The following CTBP2 variants were observed in gnomAD, a reference collection of about 807,000 sequenced individuals.
CTBP2 encodes C-terminal-binding protein 2.
A neutral mutation model predicts 80.3 loss-of-function variants in CTBP2; 30 were observed. That is an observed-to-expected ratio of 0.37 (90% CI 0.28 to 0.51). CTBP2 has a LOEUF of 0.51. Ranked by LOEUF, CTBP2 falls within the 20% of genes least tolerant of loss-of-function variation. CTBP2 has a pLI of 0.93. For missense variants in CTBP2, 1,212 were observed against 1,375.3 expected (o/e 0.88, Z 1.88); for synonymous variants, 594 against 587.4 (o/e 1.01, Z -0.16).
At chr10:125,118,284 A>G (rs945717640) in intron 1 of CTBP2, among the ~76,000 whole-genome samples, 3 of 152,234 alleles carry the variant, frequency 2.0e-5, no homozygotes, top group Non-Finnish European at 4.4e-5. Flanking sequence ...CCCTTGCGGC[A>G]TTAGCTAGGC....
At chr10:125,029,281 T>C (rs1443656058), upstream of CTBP2, among the ~76,000 whole-genome samples, 1 of 151,656 alleles carries the variant, frequency 6.6e-6, no homozygotes, top group Non-Finnish European at 1.5e-5. Context: ...TTTGCTCGTT[T>C]CTCAGGCTGG....
At chr10:125,033,340 AGAT>A (rs1412749396) in intron 3 of CTBP2, among the ~76,000 whole-genome samples, 2 of 152,226 alleles carry the variant, frequency 1.3e-5, no homozygotes, top group Non-Finnish European at 2.9e-5. Flanking sequence ...GTCACTCTGT[AGAT>A]GGAGATGAGA....
At chr10:125,140,198 G>A (rs1211269384) in intron 1 of CTBP2, among the ~76,000 whole-genome samples, 1 of 152,086 alleles carries the variant, frequency 6.6e-6, no homozygotes, top group Non-Finnish European at 1.5e-5. Context: ...CCACCCAGAA[G>A]AAGCCAAGAA....
At chr10:125,098,750 C>CAGAG (rs1265217140) in intron 2 of CTBP2, among the ~76,000 whole-genome samples, 32,403 of 74,482 alleles carry the variant, frequency 0.44, 8,128 homozygotes, top group Non-Finnish European at 0.51. Flanking sequence ...GAGAGAGAGA[C>CAGAG]AGAGAGAGAG....
intron 2 of CTBP2, among the ~76,000 whole-genome samples, chr10:125,050,745 T>C (rs1224896107): frequency 1.3e-5 from 2 of 152,216 alleles, no homozygotes; most frequent in Non-Finnish European, 2.9e-5. Flanking sequence ...CTCTGACGAG[T>C]ACACCACCCC....
intron 1 of CTBP2, among the ~76,000 whole-genome samples, chr10:125,153,784 C>T (rs539868208): frequency 1.3e-5 from 2 of 152,352 alleles, no homozygotes; most frequent in East Asian, 1.9e-4. Flanking sequence ...TCTAGGTCTT[C>T]GGTTCCTTCC....
intron 2 of CTBP2, among the ~76,000 whole-genome samples, chr10:125,087,536 C>T (rs1412060094): frequency 1.3e-5 from 2 of 152,194 alleles, no homozygotes; most frequent in Non-Finnish European, 2.9e-5. Flanking sequence ...GGTCTGTCTT[C>T]CAAAGAGCCT....
rs372291980 is a variant in CTBP2, at chr10:125,077,106, C to G, written c.-102+33884G>C. On this transcript the variant is annotated intron_variant, in intron 2 of 10. Coordinates refer to the CTBP2 transcript ENST00000337195. ...TCACCACTCTTGCACTCCATGAAAG[C>G]TTTTGTGTGTCCAGAAGCACTCACC... Among the ~76,000 whole-genome samples, 7 of 151,424 alleles carry G rather than the reference C, an allele frequency of 4.6e-5. No individual in the cohort carries two copies. The East Asian group carries it at 7.7e-4, about 17-fold the overall frequency.
chr10:125,027,513 T>C lies in CTBP2; in HGVS notation c.247A>G (p.Lys83Glu), dbSNP rs147041812. 160 of 1,614,096 alleles carry C rather than the reference T, an allele frequency of 9.9e-5. No individual in the cohort carries two copies. The highest frequency in any genetic ancestry group is 5.3e-4 in the Admixed American group (32 of 60,008). Residue 83 changes from lysine to glutamate, a missense_variant, in exon 1 of 9, where the codon AAG (lysine) becomes GAG (glutamate). Coordinates refer to ENST00000309035, the MANE Select transcript of CTBP2 (RefSeq NM_022802.3). ...AAGGTGAAGTCAGGAGTAGACCCCT[T>C]TCTTGCAGCCACTGAGTTATAAACG...
intron 2 of CTBP2, among the ~76,000 whole-genome samples, chr10:125,109,984 T>C (rs1852037983): frequency 1.3e-5 from 2 of 152,358 alleles, no homozygotes; most frequent in East Asian, 1.9e-4. Flanking sequence ...TACAACCCAC[T>C]GTGCTGCTTA....
At chr10:125,009,238 G>T (rs111822136) in intron 1 of CTBP2, among the ~76,000 whole-genome samples, 2 of 152,288 alleles carry the variant, frequency 1.3e-5, no homozygotes, top group African/African-American at 4.8e-5. Flanking sequence ...TATGGCACCG[G>T]GGAACGAGCA....
At chr10:125,157,393 TA>T (rs11355614) in intron 1 of CTBP2, among the ~76,000 whole-genome samples, 47,143 of 112,256 alleles carry the variant, frequency 0.42, 8,794 homozygotes, top group Middle Eastern at 0.52. Flanking sequence ...AGGTGGGGGT[TA>T]AAAAAAAAAA....
At chr10:125,018,063 T>C (rs1032689301) in intron 1 of CTBP2, among the ~76,000 whole-genome samples, 3 of 152,236 alleles carry the variant, frequency 2.0e-5, no homozygotes, top group African/African-American at 7.2e-5. Context: ...GTGTATACCA[T>C]TGTTGATTTT....
At chr10:125,139,652 G>C (rs1221636466) in intron 1 of CTBP2, among the ~76,000 whole-genome samples, 1 of 152,144 alleles carries the variant, frequency 6.6e-6, no homozygotes, top group African/African-American at 2.4e-5. Flanking sequence ...CACCGCTGGA[G>C]GGGCTCTCAA....
rs1952057830 is a variant in CTBP2, at chr10:124,986,848, A to G, written c.*2670T>C. 6.6e-6 allele frequency: 1 copy of G among 152,210 alleles called. No homozygotes were observed. Among genetic ancestry groups the G allele is most frequent in the Non-Finnish European group, 1.5e-5 (1 of 68,046 alleles). The allele number at this position is 152,210 out of a possible 1,614,324, so 9.4% of individuals were successfully genotyped here. ...AAAGCCAAAGAGAATTGTTAGAGGG[A>G]AAAGCATGTAGCCATTGCAGTCTGC... On this transcript the variant is annotated 3_prime_UTR_variant, in exon 9 of 9. Coordinates refer to ENST00000309035, the MANE Select transcript of CTBP2 (RefSeq NM_022802.3).
intron 1 of CTBP2, among the ~76,000 whole-genome samples, chr10:125,149,006 G>A (rs1448427374): frequency 6.6e-6 from 1 of 152,182 alleles, no homozygotes; most frequent in Admixed American, 6.5e-5. Context: ...GGGGAAAACT[G>A]GCTCGCTGGC....
intron 1 of CTBP2, among the ~76,000 whole-genome samples, chr10:125,147,812 G>A (rs943834726): frequency 6.6e-6 from 1 of 152,048 alleles, no homozygotes; most frequent in African/African-American, 2.4e-5. Context: ...TGGGAAAATT[G>A]CTTGAACCCG....
intron 1 of CTBP2, among the ~76,000 whole-genome samples, chr10:125,144,732 C>T (rs1858438626): frequency 6.6e-6 from 1 of 150,832 alleles, no homozygotes; most frequent in Non-Finnish European, 1.5e-5. Context: ...TCACACGGGC[C>T]AATGTTAAAA....
At position 125,095,371 on chromosome 10, in the gene CTBP2, C is replaced by T. The variant is rs183378956; in HGVS notation, c.-102+15619G>A. Reference sequence around the variant, plus strand: ...GGCAGCCCCAGCTACCACCAGGCTGCTCTGGAGTTACGCAGCCCAGCCACG... The same window carrying T: ...GGCAGCCCCAGCTACCACCAGGCTGTTCTGGAGTTACGCAGCCCAGCCACG... On this transcript the variant is annotated intron_variant, in intron 2 of 10. Transcript: ENST00000337195. Among the ~76,000 whole-genome samples the T allele has an allele frequency of 7.7e-4, 118 of 152,312 alleles. 2 individuals are homozygous for T. The highest frequency in any genetic ancestry group is 2.7e-3 in the African/African-American group (112 of 41,560).
Sources: allele counts gnomAD v4.1 joint callset (sites outside exome capture counted in the v4.1 genomes callset), GRCh38; gene constraint gnomAD v4.1.1; transcripts MANE v1.5; gene names NCBI Gene and HGNC (gene_info 2026-07-23, HGNC 2026-07-21).